The following KDM4C variants were observed in gnomAD, a reference collection of about 807,000 sequenced individuals.
KDM4C encodes the protein lysine-specific demethylase 4C.
Under a neutral mutation model 129.3 loss-of-function variants are expected in KDM4C, and 81 were observed. The ratio of observed to expected loss-of-function variants is 0.63; its 90% CI spans 0.52 to 0.75. KDM4C has a LOEUF of 0.75. Ranked by LOEUF, KDM4C falls within the 30% of genes least tolerant of loss-of-function variation. The pLI, the probability that KDM4C is intolerant of heterozygous loss-of-function variation, is 0.00. For synonymous variants in KDM4C, 573 were observed against 456.1 expected (o/e 1.26, Z -3.26); for missense variants, 1,457 against 1,304.0 (o/e 1.12, Z -1.81).
intron 1 of KDM4C, among the ~76,000 whole-genome samples, chr9:6,783,648 G>T (rs1458753232): frequency 6.6e-6 from 1 of 152,172 alleles, no homozygotes; most frequent in Non-Finnish European, 1.5e-5. Context: ...TCCAGAGAGT[G>T]CAGTGACCAT....
chr9:6,728,526 A>C (rs765602191), intron 1 of KDM4C, among the ~76,000 whole-genome samples: 4 of 150,070 alleles, frequency 2.7e-5, no homozygotes, highest in Non-Finnish European at 5.9e-5. Flanking sequence ...CAAGACTCCT[A>C]CTCTGAAAAA....
chr9:7,121,080 G>A (rs1030006090), intron 18 of KDM4C, among the ~76,000 whole-genome samples: 3 of 152,128 alleles, frequency 2.0e-5, no homozygotes, highest in Non-Finnish European at 4.4e-5. Flanking sequence ...TTTTCTCAGT[G>A]TTCCTTTTTT....
At chr9:6,809,777 A>T (rs908415021) in intron 3 of KDM4C, among the ~76,000 whole-genome samples, 2 of 152,164 alleles carry the variant, frequency 1.3e-5, no homozygotes, top group East Asian at 3.8e-4. Context: ...GGTAGGTGGA[A>T]TGCTTGAACC....
At chr9:7,141,860 C>T (rs1022841031) in intron 19 of KDM4C, among the ~76,000 whole-genome samples, 4 of 151,828 alleles carry the variant, frequency 2.6e-5, no homozygotes, top group Non-Finnish European at 4.4e-5. Flanking sequence ...AGTCCCATGC[C>T]TCAATGTGAG....
At chr9:6,848,095 T>C (rs1838175020) in intron 4 of KDM4C, among the ~76,000 whole-genome samples, 1 of 151,946 alleles carries the variant, frequency 6.6e-6, no homozygotes, top group Non-Finnish European at 1.5e-5. Context: ...GGTCTTGCCA[T>C]GTTTCCCAGG....
intron 15 of KDM4C, among the ~76,000 whole-genome samples, chr9:7,044,724 A>G (rs751767992): frequency 1.6e-4 from 24 of 151,996 alleles, no homozygotes; most frequent in Non-Finnish European, 2.9e-4. Flanking sequence ...ACCTCAGGGA[A>G]TTAAGGTGTG....
intron 17 of KDM4C, among the ~76,000 whole-genome samples, chr9:7,055,374 G>A (rs920029789): frequency 2.6e-5 from 4 of 152,186 alleles, no homozygotes; most frequent in African/African-American, 9.7e-5. Flanking sequence ...CTGGGCATTC[G>A]ATGACCTCTG....
intron 15 of KDM4C, among the ~76,000 whole-genome samples, chr9:7,026,194 G>A (rs1271278153): frequency 6.7e-6 from 1 of 149,888 alleles, no homozygotes; most frequent in Non-Finnish European, 1.5e-5. Flanking sequence ...GACAGAGCGA[G>A]ACGCCATCTC....
At chr9:7,136,149 C>T (rs551478413) in intron 19 of KDM4C, among the ~76,000 whole-genome samples, 8 of 152,250 alleles carry the variant, frequency 5.3e-5, no homozygotes, top group Non-Finnish European at 7.4e-5. Flanking sequence ...CTTTTTCAGA[C>T]GCTTTGCAAT....
At chr9:7,121,678 C>G (rs1377425881) in intron 18 of KDM4C, among the ~76,000 whole-genome samples, 1 of 152,048 alleles carries the variant, frequency 6.6e-6, no homozygotes, top group Non-Finnish European at 1.5e-5. Flanking sequence ...ATTTTTATCA[C>G]CAGACATGCT....
intron 17 of KDM4C, chr9:7,076,857 G>C: frequency 1.0e-6 from 1 of 1,001,350 alleles, no homozygotes; most frequent in Non-Finnish European, 1.2e-6. Context: ...TTTCCAAGGT[G>C]CATCAGGTTA....
intron 4 of KDM4C, chr9:6,835,357 A>G: frequency 9.5e-7 from 1 of 1,051,654 alleles, no homozygotes; most frequent in Non-Finnish European, 1.5e-6. Flanking sequence ...GTCTGGCGGC[A>G]CCACCATGTA....
chr9:6,948,879 C>G (rs1468940296), intron 8 of KDM4C, among the ~76,000 whole-genome samples: 1 of 152,174 alleles, frequency 6.6e-6, no homozygotes, highest in East Asian at 1.9e-4. Context: ...CCTATGTCTA[C>G]TTCTTTCTAC....
At chr9:7,056,033 T>A (rs558522959) in intron 17 of KDM4C, among the ~76,000 whole-genome samples, 5 of 152,334 alleles carry the variant, frequency 3.3e-5, no homozygotes, top group African/African-American at 1.2e-4. Context: ...ATGTACCGAT[T>A]TATTCATAGG....
At chr9:6,940,131 A>G (rs552327624) in intron 8 of KDM4C, among the ~76,000 whole-genome samples, 1 of 150,748 alleles carries the variant, frequency 6.6e-6, no homozygotes, top group Non-Finnish European at 1.5e-5. Flanking sequence ...CCACTCTGTC[A>G]CCCAGGCTGG....
At position 6,915,670 on chromosome 9, in the gene KDM4C, A is replaced by G. The variant is rs532272361; in HGVS notation, c.921+22438A>G. Among the ~76,000 whole-genome samples the G allele has an allele frequency of 1.4e-3, 213 of 152,328 alleles. 1 individual carries two copies. Among genetic ancestry groups the G allele is most frequent in the Non-Finnish European group, 1.9e-3 (126 of 68,034 alleles). On this transcript the variant is annotated intron_variant, in intron 8 of 21. Coordinates refer to ENST00000381309, the MANE Select transcript of KDM4C (RefSeq NM_015061.6). ...GACTGCTTTTGTTTTTCTTTCCTCG[A>G]ATGCTACAACAATTTGTATATTCCT...
intron 17 of KDM4C, among the ~76,000 whole-genome samples, chr9:7,083,033 A>G (rs767950530): frequency 8.5e-5 from 13 of 152,158 alleles, no homozygotes; most frequent in Non-Finnish European, 1.6e-4. Flanking sequence ...TTTTTAAATT[A>G]TTTATCGAAT....
At chr9:6,896,164 A>G (rs1816397351) in intron 8 of KDM4C, among the ~76,000 whole-genome samples, 1 of 152,198 alleles carries the variant, frequency 6.6e-6, no homozygotes, top group Non-Finnish European at 1.5e-5. Flanking sequence ...GACTTTTAGC[A>G]TTGAGGATGC....
rs142487420 is a variant in KDM4C at position 6,735,418 on chromosome 9, C to A, written c.49+14421C>A. ...CAGTGATATGCTTTGGCTGTGTCCC[C>A]ACCCAAATCTCATCTTGAATTGTAA... On this transcript the variant is annotated intron_variant, in intron 1 of 17. Transcript: ENST00000536108. Among the ~76,000 whole-genome samples the A allele has an allele frequency of 9.4e-3, 1,432 of 152,276 alleles. 19 individuals carry two copies. Among genetic ancestry groups the A allele is most frequent in the African/African-American group, 0.033 (1,352 of 41,560 alleles).
Sources: allele counts gnomAD v4.1 joint callset (sites outside exome capture counted in the v4.1 genomes callset), GRCh38; gene constraint gnomAD v4.1.1; transcripts MANE v1.5; gene names NCBI Gene and HGNC (gene_info 2026-07-23, HGNC 2026-07-21).